Variants in NAALADL2 observed in about 807,000 individuals in gnomAD.
The protein encoded by NAALADL2 is inactive N-acetylated-alpha-linked acidic dipeptidase-like protein 2.
Under a neutral mutation model 87.2 loss-of-function variants are expected in NAALADL2, and 76 were observed. That is an observed-to-expected ratio of 0.87 (90% confidence interval 0.72 to 1.05). NAALADL2 has a LOEUF of 1.05. NAALADL2 is among the 50% of genes least tolerant of loss of function. The pLI, the probability that NAALADL2 is intolerant of heterozygous loss-of-function variation, is 0.00. For synonymous variants in NAALADL2, 354 were observed against 331.0 expected, an observed-to-expected ratio of 1.07 and a Z score of -0.75; for missense variants, 1,089 against 945.8, an observed-to-expected ratio of 1.15 and a Z score of -1.99.
At chr3:175,322,093 C>T (rs1437286674) in intron 4 of NAALADL2, among the ~76,000 whole-genome samples, 1 of 150,606 alleles carries the variant, frequency 6.6e-6, no homozygotes, top group Non-Finnish European at 1.5e-5. Flanking sequence ...AACTATACTA[C>T]AAGGCTACAG....
intron 2 of NAALADL2, among the ~76,000 whole-genome samples, chr3:174,696,067 C>T (rs192431889): frequency 9.8e-4 from 149 of 152,080 alleles, no homozygotes; most frequent in African/African-American, 3.3e-3. Context: ...AACCCAATCC[C>T]GATAATCACA....
At chr3:174,926,607 G>T (rs1438175073) in intron 1 of NAALADL2, among the ~76,000 whole-genome samples, 7 of 152,148 alleles carry the variant, frequency 4.6e-5, no homozygotes, top group Non-Finnish European at 7.4e-5. Flanking sequence ...GCCAAACTAA[G>T]CTTCATAAGT....
chr3:174,441,702 C>T (rs1041697833), intron 1 of NAALADL2, among the ~76,000 whole-genome samples: 2 of 151,330 alleles, frequency 1.3e-5, no homozygotes, highest in Non-Finnish European at 2.9e-5. Flanking sequence ...GCTCGTCCTC[C>T]CTATTTTCCC....
At chr3:175,087,584 G>T (rs1719268205) in intron 1 of NAALADL2, among the ~76,000 whole-genome samples, 1 of 152,152 alleles carries the variant, frequency 6.6e-6, no homozygotes, top group African/African-American at 2.4e-5. Context: ...TCTGCCTTGG[G>T]ATGCTGTTAA....
intron 2 of NAALADL2, among the ~76,000 whole-genome samples, chr3:174,559,427 T>C (rs1332703485): frequency 6.6e-6 from 1 of 152,158 alleles, no homozygotes; most frequent in Admixed American, 6.5e-5. Flanking sequence ...CTCTTAACAG[T>C]AGATAAAGTA....
intron 12 of NAALADL2, among the ~76,000 whole-genome samples, chr3:175,748,752 T>C (rs1457479111): frequency 6.6e-6 from 1 of 152,030 alleles, no homozygotes; most frequent in South Asian, 2.1e-4. Context: ...TTAAAACTTG[T>C]TGGAGTAGGA....
At chr3:175,455,694 T>C (rs570983213) in intron 6 of NAALADL2, among the ~76,000 whole-genome samples, 2 of 152,208 alleles carry the variant, frequency 1.3e-5, no homozygotes, top group South Asian at 4.1e-4. Flanking sequence ...TTACAAGTTA[T>C]GATGGCAGAG....
intron 5 of NAALADL2, among the ~76,000 whole-genome samples, chr3:175,325,822 C>CAT (rs1760637995): frequency 6.6e-6 from 1 of 152,150 alleles, no homozygotes; most frequent in African/African-American, 2.4e-5. Context: ...GCAAGTTTAG[C>CAT]ATATATAGAA....
At position 175,741,045 on chromosome 3, in the gene NAALADL2, G is replaced by T. The variant is rs74356784; in HGVS notation, c.1990+3646G>T. ...CAAGAGAGTAAAGGGAGAATTGCTG[G>T]ACTGATTTTCTTAATTAGGGGAAGC... On this transcript the variant is annotated intron_variant, in intron 12 of 13. Transcript: ENST00000454872. 2.8e-4 allele frequency among the ~76,000 whole-genome samples: 42 copies of T among 152,276 alleles called. No individual in the cohort carries two copies. In the East Asian group the frequency reaches 7.7e-3, roughly 28 times the overall value.
At chr3:174,893,858 C>A (rs1471635933) in intron 1 of NAALADL2, among the ~76,000 whole-genome samples, 1 of 151,986 alleles carries the variant, frequency 6.6e-6, no homozygotes, top group East Asian at 1.9e-4. Context: ...AGGACTAAGC[C>A]CTAACTTATT....
chr3:174,912,060 A>G (rs112782620), intron 1 of NAALADL2, among the ~76,000 whole-genome samples: 2 of 152,100 alleles, frequency 1.3e-5, no homozygotes, highest in African/African-American at 4.8e-5. Flanking sequence ...ACAGAAATAA[A>G]GAAGGTCGGC....
At chr3:175,285,121 A>G (rs1031661415) in intron 4 of NAALADL2, among the ~76,000 whole-genome samples, 1 of 152,138 alleles carries the variant, frequency 6.6e-6, no homozygotes, top group African/African-American at 2.4e-5. Flanking sequence ...TTTTATTCTT[A>G]ATTTTTTATA....
At chr3:174,787,610 T>TATAC (rs1259364058) in intron 3 of NAALADL2, among the ~76,000 whole-genome samples, 1 of 111,854 alleles carries the variant, frequency 8.9e-6, no homozygotes, top group African/African-American at 3.0e-5. Context: ...TATATATATA[T>TATAC]ATATATATAT....
At chr3:175,422,554 A>G (rs1715880413) in intron 5 of NAALADL2, among the ~76,000 whole-genome samples, 1 of 152,076 alleles carries the variant, frequency 6.6e-6, no homozygotes, top group Non-Finnish European at 1.5e-5. Flanking sequence ...CCGCCAACCT[A>G]GAAATCTTCT....
intron 2 of NAALADL2, among the ~76,000 whole-genome samples, chr3:175,232,214 GAGA>G (rs753880435): frequency 2.0e-5 from 3 of 149,294 alleles, no homozygotes; most frequent in African/African-American, 7.4e-5. Context: ...AGAACAAGAA[GAGA>G]AGAAGAAGAA....
At chr3:174,583,503 T>A (rs964234177) in intron 2 of NAALADL2, among the ~76,000 whole-genome samples, 1 of 152,190 alleles carries the variant, frequency 6.6e-6, no homozygotes, top group Non-Finnish European at 1.5e-5. Flanking sequence ...TGTATGAATA[T>A]AGAACCTATC....
At chr3:174,875,837 T>A (rs16865419) in intron 1 of NAALADL2, among the ~76,000 whole-genome samples, 17,801 of 152,078 alleles carry the variant, frequency 0.12, 1,154 homozygotes, top group Middle Eastern at 0.15. Flanking sequence ...TATTTTTCAT[T>A]TTACATGGAC....
rs565362010 is a variant in NAALADL2 at position 175,359,266 on chromosome 3, C to A, written c.1090+34941C>A. 7.9e-5 allele frequency among the ~76,000 whole-genome samples: 12 copies of A among 152,120 alleles called. 1 individual carries two copies. In the South Asian group the frequency reaches 2.5e-3, roughly 32 times the overall value. ...TATCTAGAATACTAAAATGACCTCC[C>A]AGAAAACTAATCACCTTGAGGGAGC... On this transcript the variant is annotated intron_variant, in intron 5 of 13. Transcript: ENST00000454872.
chr3:175,149,477 A>G (rs900622497), intron 2 of NAALADL2, among the ~76,000 whole-genome samples: 2 of 152,158 alleles, frequency 1.3e-5, no homozygotes, highest in Non-Finnish European at 2.9e-5. Flanking sequence ...GAAGACATCA[A>G]ATACCACATT....
Sources: gnomAD v4.1 joint callset for allele counts (sites outside exome capture counted in the v4.1 genomes callset) on GRCh38, gnomAD v4.1.1 for gene constraint, MANE v1.5 for transcripts, NCBI Gene and HGNC (gene_info 2026-07-23, HGNC 2026-07-21) for gene names.